Variants in EYS observed in about 807,000 individuals in gnomAD.
EYS encodes the protein EGF-like photoreceptor maintenance factor, also known as protein eyes shut homolog.
In EYS, 250 loss-of-function variants were observed where a neutral mutation model predicts 282.1. The ratio of observed to expected loss-of-function variants is 0.89; its 90% CI spans 0.80 to 0.98. The LOEUF is 0.98. Among genes scored for constraint, EYS ranks in the 50% least tolerant of loss-of-function variants. EYS has a pLI of 0.00. For synonymous variants in EYS, 1,355 were observed against 1,282.9 expected (o/e 1.06, Z -1.20); for missense variants, 4,016 against 3,709.0 (o/e 1.08, Z -2.15).
chr6:64,312,814 C>T (rs1237596114), intron 29 of EYS, among the ~76,000 whole-genome samples: 1 of 152,204 alleles, frequency 6.6e-6, no homozygotes, highest in African/African-American at 2.4e-5. Flanking sequence ...AGAAAACTAA[C>T]AAACAGAAAG....
intron 31 of EYS, among the ~76,000 whole-genome samples, chr6:64,165,080 T>A (rs1764242742): frequency 6.6e-6 from 1 of 152,146 alleles, no homozygotes; most frequent in African/African-American, 2.4e-5. Context: ...GAGTTATTTT[T>A]AGTCAATTAT....
chr6:64,664,715 T>C (rs888360944), intron 22 of EYS, among the ~76,000 whole-genome samples: 28 of 152,160 alleles, frequency 1.8e-4, no homozygotes, highest in African/African-American at 6.8e-4. Context: ...GGGAGCTCAT[T>C]TGACCTTTTC....
chr6:65,123,343 T>C (rs1775620183), intron 12 of EYS, among the ~76,000 whole-genome samples: 1 of 152,196 alleles, frequency 6.6e-6, no homozygotes. Context: ...TATTTTTTGC[T>C]GCTTTTAATA....
intron 28 of EYS, among the ~76,000 whole-genome samples, chr6:64,421,554 C>T (rs1774233580): frequency 1.3e-5 from 2 of 151,932 alleles, no homozygotes; most frequent in South Asian, 4.2e-4. Flanking sequence ...TAATTAAATA[C>T]ATTCTTCTAG....
At chr6:65,579,373 G>T (rs1467401862) in intron 2 of EYS, among the ~76,000 whole-genome samples, 1 of 152,100 alleles carries the variant, frequency 6.6e-6, no homozygotes, top group Non-Finnish European at 1.5e-5. Context: ...TATTTGTACA[G>T]AAAATACATA....
chr6:64,954,906 C>T (rs760933222), intron 14 of EYS, among the ~76,000 whole-genome samples: 1 of 152,278 alleles, frequency 6.6e-6, no homozygotes, highest in East Asian at 1.9e-4. Flanking sequence ...TGGTGGCTCA[C>T]ACCTGTAATC....
At chr6:64,633,733 G>C (rs7744701) in intron 22 of EYS, among the ~76,000 whole-genome samples, 91,236 of 151,608 alleles carry the variant, frequency 0.6, 27,620 homozygotes, top group South Asian at 0.69. Flanking sequence ...AAGCTAGACA[G>C]TCTATCATAA....
intron 12 of EYS, among the ~76,000 whole-genome samples, chr6:65,113,407 A>G (rs1276354029): frequency 1.3e-5 from 2 of 151,944 alleles, no homozygotes; most frequent in South Asian, 2.1e-4. Context: ...AAAAAATTGT[A>G]TAGGTTTATT....
intron 7 of EYS, among the ~76,000 whole-genome samples, chr6:65,398,706 T>C (rs1362838469): frequency 6.6e-6 from 1 of 152,122 alleles, no homozygotes; most frequent in Non-Finnish European, 1.5e-5. Flanking sequence ...CAAATTTATA[T>C]ATTTAGCCCG....
chr6:65,675,209 A>G (rs1018114203), intron 1 of EYS, among the ~76,000 whole-genome samples: 3 of 150,526 alleles, frequency 2.0e-5, no homozygotes, highest in Non-Finnish European at 4.4e-5. Flanking sequence ...AAGAAAAGCT[A>G]CAAGATAGAC....
At chr6:64,235,734 T>C (rs537765458) in intron 30 of EYS, among the ~76,000 whole-genome samples, 132 of 152,270 alleles carry the variant, frequency 8.7e-4, no homozygotes, top group Non-Finnish European at 1.6e-3. Flanking sequence ...AATTTCTCCA[T>C]ATCCTCTCCA....
At position 64,902,509 on chromosome 6, in the gene EYS, A is replaced by C. The variant is rs914738775; in HGVS notation, c.2642-9T>G. The C allele has an allele frequency of 2.1e-5, 31 of 1,499,946 alleles. No individual in the cohort carries two copies. Among genetic ancestry groups the C allele is most frequent in the Non-Finnish European group, 2.8e-5 (31 of 1,115,050 alleles). 92.9% of individuals were successfully genotyped at this position (1,499,946 alleles called of 1,614,324 possible). A position where few individuals can be genotyped will look rare whatever the true frequency, so the allele number is the denominator to read the frequency against. The stretch of plus-strand genomic sequence containing the variant: ...GTTTTTACCTTCAAATTCTGCAAAG[A>C]GTATGAGATGAGTATGGATGAGCAA... On this transcript the variant is annotated splice_polypyrimidine_tract_variant and intron_variant, in intron 16 of 42. Coordinates refer to ENST00000503581, the MANE Select transcript of EYS (RefSeq NM_001142800.2).
intron 5 of EYS, among the ~76,000 whole-genome samples, chr6:65,417,723 G>T (rs1456521532): frequency 2.0e-5 from 3 of 151,920 alleles, no homozygotes; most frequent in African/African-American, 7.2e-5. Flanking sequence ...ATGTAATAAT[G>T]CAGCAACTTT....
At chr6:64,017,820 T>A (rs1375633528) in intron 33 of EYS, among the ~76,000 whole-genome samples, 1 of 152,210 alleles carries the variant, frequency 6.6e-6, no homozygotes, top group Non-Finnish European at 1.5e-5. Context: ...CCTAACTAGC[T>A]GTCTATGTTC....
intron 34 of EYS, among the ~76,000 whole-genome samples, chr6:63,993,784 A>C (rs1767710545): frequency 6.6e-6 from 1 of 151,934 alleles, no homozygotes; most frequent in African/African-American, 2.4e-5. Context: ...TTTTTACAAA[A>C]ATTGAAAAAA....
chr6:64,186,887 C>A (rs1039063492), intron 31 of EYS, among the ~76,000 whole-genome samples: 3 of 152,122 alleles, frequency 2.0e-5, no homozygotes, highest in African/African-American at 7.2e-5. Context: ...AATAAGCGAC[C>A]GCTTTCCATA....
At chr6:64,285,279 C>T (rs187293552) in intron 30 of EYS, among the ~76,000 whole-genome samples, 3 of 152,234 alleles carry the variant, frequency 2.0e-5, no homozygotes, top group African/African-American at 4.8e-5. Context: ...AATGCTTTAC[C>T]ACTTAGAAAT....
intron 22 of EYS, among the ~76,000 whole-genome samples, chr6:64,657,139 G>C (rs1768779575): frequency 6.6e-6 from 1 of 152,066 alleles, no homozygotes; most frequent in Admixed American, 6.6e-5. Context: ...GAACTTTGTT[G>C]GTTTAAAGTC....
At chr6:63,911,793 G>A (rs972790300) in intron 35 of EYS, among the ~76,000 whole-genome samples, 3 of 152,106 alleles carry the variant, frequency 2.0e-5, no homozygotes, top group Non-Finnish European at 4.4e-5. Flanking sequence ...CTCCAGATCT[G>A]GAAATCTGAG....
Sources: allele counts gnomAD v4.1 joint callset (sites outside exome capture counted in the v4.1 genomes callset), GRCh38; gene constraint gnomAD v4.1.1; transcripts MANE v1.5; gene names NCBI Gene and HGNC (gene_info 2026-07-23, HGNC 2026-07-21).